The following NBAS variants were observed in gnomAD, a reference collection of about 807,000 sequenced individuals.
NBAS encodes NAG/BC035112 fusion.
Under a neutral mutation model 302.5 loss-of-function variants are expected in NBAS, and 219 were observed. The ratio of observed to expected loss-of-function variants is 0.72; its 90% CI spans 0.65 to 0.81. The LOEUF is 0.81. NBAS is among the 30% of genes least tolerant of loss of function. The pLI, the probability that NBAS is intolerant of heterozygous loss-of-function variation, is 0.00. For synonymous variants in NBAS, 1,118 were observed against 1,021.6 expected (o/e 1.09, Z -1.80); for missense variants, 2,932 against 2,841.6 (o/e 1.03, Z -0.72).
At chr2:15,084,130 C>T in the NBAS span, among the ~76,000 whole-genome samples, 1 of 152,032 alleles carries the variant, frequency 6.6e-6, no homozygotes, top group South Asian at 2.1e-4. Context: ...AGGTTAACTG[C>T]AGCCTTGACC....
intron 38 of NBAS, among the ~76,000 whole-genome samples, chr2:15,322,774 A>G (rs188507008): frequency 2.2e-4 from 33 of 152,294 alleles, no homozygotes; most frequent in Admixed American, 1.8e-3. Flanking sequence ...TCACCCTTCA[A>G]TTCTGCTGAG....
chr2:15,270,984 G>A (rs12468984), intron 44 of NBAS, among the ~76,000 whole-genome samples: 9,788 of 152,202 alleles, frequency 0.064, 486 homozygotes, highest in Non-Finnish European at 0.11. Context: ...GCCATCCTTA[G>A]TTAAAAGATA....
At chr2:15,560,509 T>C (rs1036835137) in intron 1 of NBAS, among the ~76,000 whole-genome samples, 1 of 151,914 alleles carries the variant, frequency 6.6e-6, no homozygotes, top group African/African-American at 2.4e-5. Context: ...CGGGACTGTC[T>C]CCCCTCTAGA....
At chr2:15,360,300 G>A (rs188559639) in intron 32 of NBAS, among the ~76,000 whole-genome samples, 228 of 137,734 alleles carry the variant, frequency 1.7e-3, no homozygotes, top group Admixed American at 4.0e-3. Flanking sequence ...TCTTTCTTCA[G>A]TAATAAGTTA....
intron 40 of NBAS, among the ~76,000 whole-genome samples, chr2:15,300,190 A>G (rs1415404657): frequency 6.6e-6 from 1 of 152,206 alleles, no homozygotes; most frequent in Non-Finnish European, 1.5e-5. Flanking sequence ...AAGGCTAGTA[A>G]TCTACCTAAG....
the NBAS span, among the ~76,000 whole-genome samples, chr2:14,986,927 T>C: frequency 6.6e-6 from 1 of 152,074 alleles, no homozygotes; most frequent in Non-Finnish European, 1.5e-5. Flanking sequence ...AATTTTTATT[T>C]TTTTAATTAT....
chr2:14,992,139 G>T, the NBAS span, among the ~76,000 whole-genome samples: 102 of 152,264 alleles, frequency 6.7e-4, no homozygotes, highest in African/African-American at 2.2e-3. Flanking sequence ...GGTCCAGATT[G>T]GTGACATAAT....
At chr2:14,995,196 A>G in the NBAS span, among the ~76,000 whole-genome samples, 5 of 152,214 alleles carry the variant, frequency 3.3e-5, no homozygotes, top group South Asian at 2.1e-4. Context: ...ATCTCCTAAT[A>G]CTATCCCTCC....
At chr2:14,788,305 C>A in the NBAS span, among the ~76,000 whole-genome samples, 1 of 152,118 alleles carries the variant, frequency 6.6e-6, no homozygotes. Context: ...TTGTCTGAAG[C>A]CTTCTTCTCT....
chr2:15,507,626 C>T (rs1351435560), intron 10 of NBAS, among the ~76,000 whole-genome samples: 1 of 152,188 alleles, frequency 6.6e-6, no homozygotes, highest in Non-Finnish European at 1.5e-5. Flanking sequence ...CAAACACCAG[C>T]CTTCTGACTC....
the NBAS span, among the ~76,000 whole-genome samples, chr2:14,936,796 G>C: frequency 6.6e-6 from 1 of 152,150 alleles, no homozygotes; most frequent in Non-Finnish European, 1.5e-5. Flanking sequence ...GCAGTAGGCT[G>C]ATCTTTGATG....
intron 10 of NBAS, 88 bp from the exon 11 acceptor site, chr2:15,504,301 G>T: frequency 9.6e-7 from 1 of 1,036,622 alleles, no homozygotes; most frequent in Non-Finnish European, 1.5e-6. Context: ...GAAAACTATA[G>T]CAAATCTAGT....
the NBAS span, among the ~76,000 whole-genome samples, chr2:15,013,706 C>A: frequency 2.0e-5 from 3 of 152,108 alleles, no homozygotes; most frequent in Non-Finnish European, 4.4e-5. Flanking sequence ...ATTGCTTGAG[C>A]CTGGAAGATG....
At chr2:15,152,321 C>A in the NBAS span, among the ~76,000 whole-genome samples, 2 of 152,216 alleles carry the variant, frequency 1.3e-5, no homozygotes, top group African/African-American at 2.4e-5. Flanking sequence ...TGGTCAATCT[C>A]TCAAAATTGA....
At chr2:15,078,762 CAT>C in the NBAS span, among the ~76,000 whole-genome samples, 2 of 152,178 alleles carry the variant, frequency 1.3e-5, no homozygotes, top group South Asian at 4.1e-4. Context: ...TAAAAACAGA[CAT>C]AAAAATCAGT....
intron 30 of NBAS, among the ~76,000 whole-genome samples, chr2:15,377,388 A>C (rs1336777069): frequency 6.6e-6 from 1 of 152,192 alleles, no homozygotes; most frequent in Non-Finnish European, 1.5e-5. Context: ...GATAACAAAG[A>C]CCAAAATTTT....
intron 48 of NBAS, among the ~76,000 whole-genome samples, chr2:15,210,254 T>C (rs1195882339): frequency 2.0e-5 from 3 of 151,900 alleles, no homozygotes; most frequent in Non-Finnish European, 4.4e-5. Flanking sequence ...CCAGAATATA[T>C]AAGGAGTTCA....
At position 15,255,748 on chromosome 2, in the gene NBAS, G is replaced by A. The variant is rs570793694; in HGVS notation, c.5725-17062C>T. On this transcript the variant is annotated intron_variant, in intron 44 of 51. Transcript: ENST00000281513. The stretch of plus-strand genomic sequence containing the variant: ...TATTTGGTTAGAGATGAGGAGTCAG[G>A]TTCATTCTTCTACAGGTGGCTTGCC... 6.6e-5 allele frequency among the ~76,000 whole-genome samples: 10 copies of A among 152,186 alleles called. No individual in the cohort carries two copies. In the South Asian group the frequency reaches 1.9e-3, roughly 28 times the overall value.
chr2:15,528,885 AT>A (rs1663073280), intron 9 of NBAS, among the ~76,000 whole-genome samples: 11 of 123,212 alleles, frequency 8.9e-5, no homozygotes, highest in African/African-American at 3.5e-4. Flanking sequence ...AAAAATATAT[AT>A]ATATATATAT....
Sources: gnomAD v4.1 joint callset for allele counts (sites outside exome capture counted in the v4.1 genomes callset) on GRCh38, gnomAD v4.1.1 for gene constraint, MANE v1.5 for transcripts, NCBI Gene and HGNC (gene_info 2026-07-23, HGNC 2026-07-21) for gene names.